Variants in PLPPR1 observed in about 807,000 individuals in gnomAD.
PLPPR1 encodes phospholipid phosphatase related 1.
PLPPR1 carries 10 observed loss-of-function variants against 33.1 expected under a neutral mutation model. The observed-to-expected ratio is 0.30, with a 90% CI of 0.19 to 0.51. PLPPR1 has a LOEUF of 0.51. PLPPR1 is among the 20% of genes least tolerant of loss of function. The pLI is 0.97. For synonymous variants in PLPPR1, 151 were observed against 151.0 expected (o/e 1.00, Z 0.00); for missense variants, 304 against 408.1 (o/e 0.74, Z 2.20).
chr9:101,258,432 T>C (rs1827839288), intron 2 of PLPPR1, among the ~76,000 whole-genome samples: 1 of 152,176 alleles, frequency 6.6e-6, no homozygotes, highest in Non-Finnish European at 1.5e-5. Flanking sequence ...GCTTGGCACA[T>C]GATTGGTGTG....
Position 101,286,171 on chromosome 9 carries a change from A to C in PLPPR1, c.320A>C (p.Lys107Thr). ...AGAGAATCCCTGATTGCTCAGGAGA[A>C]AACAATTCTGACCGGAGAATGCTGT... ...STRESLIAQE[K>T]TILTGECCYL... is the part of the protein sequence containing the mutation. The change falls in exon 4 of 8, where the codon AAA becomes ACA. Residue 107 changes from lysine (K) to threonine (T), a missense_variant. Physicochemically the swap from Lys to Thr is moderately conservative, Grantham distance 78. Transcript: ENST00000374874. 1 of 1,613,586 alleles carries C rather than the reference A, an allele frequency of 6.2e-7. No homozygotes were observed. The highest frequency in any genetic ancestry group is 8.5e-7 in the Non-Finnish European group (1 of 1,179,506).
chr9:101,296,091 C>G (rs1828630641), intron 4 of PLPPR1, among the ~76,000 whole-genome samples: 1 of 151,852 alleles, frequency 6.6e-6, no homozygotes, highest in Non-Finnish European at 1.5e-5. Context: ...ACAATGAACT[C>G]AAACAAATTT....
rs372664862 is a variant in PLPPR1, at chr9:101,139,121, T to G, written c.-45-46329T>G. Among the ~76,000 whole-genome samples the G allele has an allele frequency of 2.4e-4, 36 of 152,230 alleles. No individual in the cohort carries two copies. The East Asian group carries it at 7.0e-3, about 29-fold the overall frequency. On this transcript the variant is annotated intron_variant, in intron 1 of 7. Coordinates refer to ENST00000374874, the MANE Select transcript of PLPPR1 (RefSeq NM_207299.2). ...AAAGGGTGAAGAAATATAGATTATT[T>G]CACAACAAATACATGAAAAAAAAAC... is the stretch of plus-strand genomic sequence containing the variant.
At chr9:101,263,130 G>A (rs532930135) in intron 2 of PLPPR1, among the ~76,000 whole-genome samples, 1 of 152,186 alleles carries the variant, frequency 6.6e-6, no homozygotes, top group South Asian at 2.1e-4. Flanking sequence ...TTCTGCACAT[G>A]TATCCCAGAA....
chr9:101,046,132 A>C (rs1210567684), intron 1 of PLPPR1, among the ~76,000 whole-genome samples: 1 of 152,188 alleles, frequency 6.6e-6, no homozygotes, highest in Non-Finnish European at 1.5e-5. Flanking sequence ...TACTAAACAC[A>C]AACTTCACTT....
chr9:101,265,038 C>T, intron 2 of PLPPR1, among the ~76,000 whole-genome samples: 1 of 152,146 alleles, frequency 6.6e-6, no homozygotes, highest in South Asian at 2.1e-4. Flanking sequence ...ATTATTGGTC[C>T]ACAGTTCCTC....
chr9:101,275,091 T>C (rs1244208394), intron 3 of PLPPR1, among the ~76,000 whole-genome samples: 2 of 152,236 alleles, frequency 1.3e-5, no homozygotes, highest in Non-Finnish European at 2.9e-5. Flanking sequence ...TTATTCCTTC[T>C]TAAAACCATT....
At chr9:101,180,094 T>TTATATA (rs71507977) in intron 1 of PLPPR1, among the ~76,000 whole-genome samples, 24 of 61,976 alleles carry the variant, frequency 3.9e-4, no homozygotes, top group African/African-American at 4.4e-4. Context: ...AAACTCTCCT[T>TTATATA]TATATATATA....
At chr9:101,205,426 A>T (rs541823568) in intron 2 of PLPPR1, among the ~76,000 whole-genome samples, 5 of 152,298 alleles carry the variant, frequency 3.3e-5, no homozygotes, top group Middle Eastern at 3.4e-3. Flanking sequence ...TCAATGCCAG[A>T]AATTGGATGT....
intron 3 of PLPPR1, among the ~76,000 whole-genome samples, chr9:101,276,340 A>T (rs1480180610): frequency 6.6e-6 from 1 of 152,090 alleles, no homozygotes; most frequent in African/African-American, 2.4e-5. Flanking sequence ...TGGATTTTTT[A>T]AAAAACTTAA....
chr9:101,095,904 G>A (rs1184265912), intron 1 of PLPPR1, among the ~76,000 whole-genome samples: 2 of 152,122 alleles, frequency 1.3e-5, no homozygotes, highest in East Asian at 1.9e-4. Flanking sequence ...ATTGATTGTG[G>A]TTAAAGCAAT....
chr9:101,317,067 T>C (rs1431924169), intron 6 of PLPPR1, among the ~76,000 whole-genome samples: 1 of 152,182 alleles, frequency 6.6e-6, no homozygotes, highest in African/African-American at 2.4e-5. Context: ...TTAACTATTA[T>C]TATGAGGTGG....
At chr9:101,139,566 A>G (rs1831422111) in intron 1 of PLPPR1, among the ~76,000 whole-genome samples, 1 of 152,168 alleles carries the variant, frequency 6.6e-6, no homozygotes, top group Admixed American at 6.5e-5. Context: ...CAGGATTGAC[A>G]GTGTGGTGAG....
chr9:101,175,702 A>C (rs916425304), intron 1 of PLPPR1, among the ~76,000 whole-genome samples: 1 of 152,224 alleles, frequency 6.6e-6, no homozygotes, highest in African/African-American at 2.4e-5. Flanking sequence ...GAATGAATAA[A>C]TTATATGGCT....
At chr9:101,315,255 A>G (rs1278258026) in intron 6 of PLPPR1, among the ~76,000 whole-genome samples, 2 of 152,120 alleles carry the variant, frequency 1.3e-5, no homozygotes, top group Non-Finnish European at 2.9e-5. Context: ...ATCGCCTACT[A>G]CCATTCCTGA....
Position 101,068,700 on chromosome 9 carries a change from A to G in PLPPR1, c.-46+39598A>G, listed in dbSNP as rs1830448806. 4.6e-5 allele frequency among the ~76,000 whole-genome samples: 7 copies of G among 152,000 alleles called. No homozygotes were observed. The South Asian group carries it at 1.5e-3, about 32-fold the overall frequency. On this transcript the variant is annotated intron_variant, in intron 1 of 7. Transcript: ENST00000374874. ...CGAGAGACAAATGTGCTCAAGACTT[A>G]CTAATTAGGTGGAACCATCTAATGA...
intron 2 of PLPPR1, among the ~76,000 whole-genome samples, chr9:101,196,904 G>A (rs1454958918): frequency 1.3e-5 from 2 of 152,136 alleles, no homozygotes; most frequent in Non-Finnish European, 2.9e-5. Flanking sequence ...GCCTCGTGAG[G>A]AAATATTCAA....
intron 1 of PLPPR1, among the ~76,000 whole-genome samples, chr9:101,067,950 G>A (rs992536371): frequency 6.6e-6 from 1 of 152,066 alleles, no homozygotes. Flanking sequence ...TCATAGGGCT[G>A]TTGTGAGAAT....
intron 1 of PLPPR1, among the ~76,000 whole-genome samples, chr9:101,098,536 G>A (rs1331975653): frequency 5.3e-5 from 8 of 152,072 alleles, no homozygotes; most frequent in African/African-American, 1.9e-4. Flanking sequence ...TAGTGAATGA[G>A]TGGGGAACAA....
Sources: allele counts gnomAD v4.1 joint callset (sites outside exome capture counted in the v4.1 genomes callset), GRCh38; gene constraint gnomAD v4.1.1; transcripts MANE v1.5; gene names NCBI Gene and HGNC (gene_info 2026-07-23, HGNC 2026-07-21).